Variants in DGKB observed in about 807,000 individuals in gnomAD.
DGKB encodes diacylglycerol kinase beta.
DGKB carries 67 observed loss-of-function variants against 114.3 expected under a neutral mutation model. The ratio of observed to expected loss-of-function variants is 0.59; its 90% CI spans 0.48 to 0.72. DGKB has a LOEUF of 0.72. Among genes scored for constraint, DGKB ranks in the 30% least tolerant of loss-of-function variants. DGKB has a pLI of 0.00. For missense variants in DGKB, 907 were observed against 975.2 expected (o/e 0.93, Z 0.93); for synonymous variants, 398 against 323.1 (o/e 1.23, Z -2.49).
At chr7:14,770,942 G>C (rs560618553) in intron 2 of DGKB, among the ~76,000 whole-genome samples, 3 of 151,950 alleles carry the variant, frequency 2.0e-5, no homozygotes, top group Non-Finnish European at 4.4e-5. Flanking sequence ...GCCTTGAAGC[G>C]TAAGAAGATA....
intron 1 of DGKB, among the ~76,000 whole-genome samples, chr7:14,893,052 A>T (rs1396936650): frequency 6.6e-6 from 1 of 151,196 alleles, no homozygotes; most frequent in Non-Finnish European, 1.5e-5. Flanking sequence ...AAAATTCCCA[A>T]TTCAGAAACA....
chr7:14,281,925 G>A (rs1222119053), intron 23 of DGKB, among the ~76,000 whole-genome samples: 1 of 137,548 alleles, frequency 7.3e-6, no homozygotes, highest in Non-Finnish European at 1.5e-5. Context: ...ATCCAAAATT[G>A]ACAGCCTAAC....
chr7:14,697,780 A>AAGAAAGAAAGAAAG (rs1563943585), intron 8 of DGKB, among the ~76,000 whole-genome samples: 387 of 136,616 alleles, frequency 2.8e-3, no homozygotes, highest in Middle Eastern at 0.011. Context: ...AACAAAGAGA[A>AAGAAAGAAAGAAAG]AGAAAGAAAG....
chr7:14,186,293 C>T (rs1483408999), intron 23 of DGKB, among the ~76,000 whole-genome samples: 2 of 152,192 alleles, frequency 1.3e-5, no homozygotes, highest in Non-Finnish European at 2.9e-5. Context: ...TCAGGAAATG[C>T]AAATCAAAAC....
At chr7:14,667,549 C>A (rs761393028) in intron 13 of DGKB, among the ~76,000 whole-genome samples, 12 of 151,966 alleles carry the variant, frequency 7.9e-5, no homozygotes, top group Admixed American at 2.6e-4. Flanking sequence ...CTGGGGCATA[C>A]AATTTCTTAA....
intron 21 of DGKB, among the ~76,000 whole-genome samples, chr7:14,375,759 T>G (rs372111187): frequency 6.6e-6 from 1 of 152,190 alleles, no homozygotes; most frequent in South Asian, 2.1e-4. Context: ...CTGTTTTACT[T>G]TGATTGCCTC....
At chr7:14,958,807 A>G (rs1357360526) in intron 1 of DGKB, among the ~76,000 whole-genome samples, 1 of 152,086 alleles carries the variant, frequency 6.6e-6, no homozygotes, top group East Asian at 1.9e-4. Flanking sequence ...TTGTCCCCAC[A>G]TAGCGTGCTG....
At chr7:14,728,980 A>G (rs1830433762) in intron 5 of DGKB, among the ~76,000 whole-genome samples, 1 of 151,918 alleles carries the variant, frequency 6.6e-6, no homozygotes, top group Non-Finnish European at 1.5e-5. Context: ...GATTACAAGC[A>G]TGAACCACTG....
rs1013679540 is a variant in DGKB at position 14,475,864 on chromosome 7, G to A, written c.1835+2297C>T. On this transcript the variant is annotated intron_variant, in intron 21 of 25. Coordinates refer to ENST00000402815, the MANE Select transcript of DGKB (RefSeq NM_001350709.2). ...AGATTAAATAGATATGTGAATAATA[G>A]GAGTCTTTATGAGTAAGAAGACTTA... Among the ~76,000 whole-genome samples the A allele has an allele frequency of 1.2e-4, 19 of 152,140 alleles. No homozygotes were observed. The East Asian group carries it at 3.5e-3, about 28-fold the overall frequency.
At position 14,841,391 on chromosome 7, in the gene DGKB, T is replaced by C. The variant is rs1004046335; in HGVS notation, c.-128A>G. ...TAAAATACCTCAGGCTTTCAAAATATGCAATCTGTCCACATGAAACTGCTT... is the reference window on the plus strand; with the variant it reads ...TAAAATACCTCAGGCTTTCAAAATACGCAATCTGTCCACATGAAACTGCTT... On this transcript the variant is annotated 5_prime_UTR_variant, in exon 2 of 26. Transcript: ENST00000402815. The C allele has an allele frequency of 2.1e-5, 15 of 728,768 alleles. No individual in the cohort carries two copies. The highest frequency in any genetic ancestry group is 3.1e-5 in the Non-Finnish European group (14 of 449,602). 45.1% of individuals were successfully genotyped at this position (728,768 alleles called of 1,614,324 possible).
At chr7:14,845,828 TAA>T (rs199838244) in intron 1 of DGKB, among the ~76,000 whole-genome samples, 12 of 141,764 alleles carry the variant, frequency 8.5e-5, no homozygotes, top group Admixed American at 7.1e-5. Flanking sequence ...GAATGGGCAT[TAA>T]AAAAAAAAAA....
chr7:14,560,099 T>G (rs1725276944), intron 20 of DGKB, among the ~76,000 whole-genome samples: 1 of 152,108 alleles, frequency 6.6e-6, no homozygotes, highest in African/African-American at 2.4e-5. Flanking sequence ...TAATTACATA[T>G]TTTGGCGATT....
intron 1 of DGKB, among the ~76,000 whole-genome samples, chr7:14,933,635 T>A (rs1419337996): frequency 6.6e-6 from 1 of 152,170 alleles, no homozygotes; most frequent in Non-Finnish European, 1.5e-5. Flanking sequence ...TTTAACTTAT[T>A]CAATTTCCAA....
chr7:14,913,121 C>A (rs1784074349), intron 1 of DGKB, among the ~76,000 whole-genome samples: 1 of 152,078 alleles, frequency 6.6e-6, no homozygotes, highest in South Asian at 2.1e-4. Context: ...CATTGTGGAT[C>A]AGTGAGTCTT....
At chr7:14,303,212 A>G (rs1803859686) in intron 23 of DGKB, among the ~76,000 whole-genome samples, 1 of 152,184 alleles carries the variant, frequency 6.6e-6, no homozygotes, top group African/African-American at 2.4e-5. Flanking sequence ...TTCAGGTGGT[A>G]ATGACAAAGT....
chr7:14,758,511 T>C (rs938933586), intron 2 of DGKB, among the ~76,000 whole-genome samples: 9 of 152,052 alleles, frequency 5.9e-5, no homozygotes, highest in Non-Finnish European at 8.8e-5. Flanking sequence ...CTAACAAATA[T>C]GGGTAAGTCA....
intron 5 of DGKB, among the ~76,000 whole-genome samples, chr7:14,720,849 TAAAA>T (rs558389660): frequency 7.7e-6 from 1 of 130,114 alleles, no homozygotes; most frequent in African/African-American, 2.8e-5. Context: ...TCCTGAGCTT[TAAAA>T]AAAAAAAAAA....
chr7:14,169,144 G>C (rs1000636454), intron 25 of DGKB, among the ~76,000 whole-genome samples: 1 of 151,710 alleles, frequency 6.6e-6, no homozygotes, highest in Non-Finnish European at 1.5e-5. Flanking sequence ...TGGATCACAA[G>C]GTCAGGAGAT....
intron 23 of DGKB, among the ~76,000 whole-genome samples, chr7:14,185,055 C>T (rs186430776): frequency 7.9e-5 from 12 of 152,190 alleles, no homozygotes; most frequent in Admixed American, 4.6e-4. Flanking sequence ...AAGTAAAGGG[C>T]ATCCAAATCG....
Sources: gnomAD v4.1 joint callset for allele counts (sites outside exome capture counted in the v4.1 genomes callset) on GRCh38, gnomAD v4.1.1 for gene constraint, MANE v1.5 for transcripts, NCBI Gene and HGNC (gene_info 2026-07-23, HGNC 2026-07-21) for gene names.